The following GPR50 variants were observed in gnomAD, a reference collection of about 807,000 sequenced individuals.
GPR50 encodes melatonin-related receptor.
In GPR50, 1 loss-of-function variant was observed where a neutral mutation model predicts 2.6. That is an observed-to-expected ratio of 0.38 (90% CI 0.13 to 1.79). The LOEUF (loss-of-function observed/expected upper bound fraction) is 1.79, where lower values mean the gene tolerates loss of function less well. Ranked by LOEUF, GPR50 falls within the 40% of genes most tolerant of loss-of-function variation. The probability of loss-of-function intolerance (pLI) is 0.33; values close to 1 mark genes in which losing one functional copy is unlikely to be tolerated. For missense variants in GPR50, 535 were observed against 522.1 expected (o/e 1.02, Z -0.24); for synonymous variants, 233 against 202.3 (o/e 1.15, Z -1.29).
chrX:151,180,392 A>AGAT lies in GPR50; in HGVS notation c.810_812dup (p.Lys270_Ile271insMet). On this transcript the variant is annotated inframe_insertion, in exon 2 of 2. Transcript: ENST00000218316. ...GTCAGTCCGAAGGAGATGGCAGGCA[A>AGAT]GATCCCCAACTGGCTTTATCTTGCA... 1 of 1,211,393 alleles carries AGAT rather than the reference A, an allele frequency of 8.3e-7. No homozygotes were observed. The highest frequency in any genetic ancestry group is 1.1e-6 in the Non-Finnish European group (1 of 895,294).
Position 151,176,998 on chromosome X carries a change from T to A in GPR50, c.187+90T>A. The A allele has an allele frequency of 6.6e-6, 4 of 604,304 alleles. No individual in the cohort carries two copies. In the South Asian group the frequency reaches 1.1e-4, roughly 17 times the overall value. 49.8% of individuals were successfully genotyped at this position (604,304 alleles called of 1,213,427 possible). On this transcript the variant is annotated intron_variant, in intron 1 of 1. Transcript: ENST00000218316. Reference sequence around the variant, plus strand: ...TTGAGCTCCCCGAATAGAGAATCTATGGACAGTGCCCTCATATTGAACATC... The same window carrying A: ...TTGAGCTCCCCGAATAGAGAATCTAAGGACAGTGCCCTCATATTGAACATC...
At chrX:151,177,084 G>T (rs868704230) in intron 1 of GPR50, among the ~76,000 whole-genome samples, 176 bp downstream of exon 1, 2 of 112,316 alleles carry the variant, frequency 1.8e-5, no homozygotes, top group African/African-American at 6.5e-5. Context: ...CCCTCTAAAC[G>T]TGGAGGTTCT....
downstream of GPR50, among the ~76,000 whole-genome samples, chrX:151,181,666 G>C (rs140899599): frequency 3.5e-3 from 391 of 111,844 alleles, 3 homozygotes; most frequent in African/African-American, 0.012. Context: ...TTTCCCTCAA[G>C]TTTGACATCT....
intron 1 of GPR50, chrX:151,177,250 A>G (rs2048685132): frequency 6.3e-6 from 1 of 158,531 alleles, no homozygotes; most frequent in Non-Finnish European, 1.2e-5. Flanking sequence ...CGGGGACAGC[A>G]AGCCGAGCCG....
chrX:151,177,869 C>T (rs1176373910), intron 1 of GPR50: 1 of 109,789 alleles, frequency 9.1e-6, no homozygotes, highest in East Asian at 2.9e-4. Context: ...GGGAGGAGGC[C>T]GGGGGCCGGG....
In GPR50 at chrX:151,180,740, C is replaced by G. The variant is rs746436765; in HGVS notation, c.1157C>G (p.Pro386Arg). The change falls in exon 2 of 2, where the codon CCT (proline) becomes CGT (arginine). Residue 386 changes from proline to arginine, a missense_variant. Physicochemically the swap from Pro to Arg is moderately radical, Grantham distance 103 (BLOSUM62 -2). Coordinates refer to ENST00000218316, the MANE Select transcript of GPR50 (RefSeq NM_004224.3). ...CACCCCGACCGTGCCTCTGGCCACC[C>G]TAAGCCCCATTCCAGATCCTCCTCT... ...AGHPDRASGHPKPHSRSSSAY... is the reference protein window; with the variant it reads ...AGHPDRASGHRKPHSRSSSAY... The G allele has an allele frequency of 1.7e-6, 2 of 1,210,963 alleles. No individual in the cohort carries two copies. The highest frequency in any genetic ancestry group is 4.3e-5 in the Admixed American group (2 of 46,014).
chrX:151,177,289 A>G (rs5970552), intron 1 of GPR50: 1,638 of 132,526 alleles, frequency 0.012, 25 homozygotes, highest in African/African-American at 0.047. Context: ...GCGCTGAGGC[A>G]GCGCGGACCG....
At position 151,180,010 on chromosome X, in the gene GPR50, C is replaced by T. The variant is rs1329859807; in HGVS notation, c.427C>T (p.Arg143Cys). Residue 143 changes from arginine to cysteine, a missense_variant, in exon 2 of 2, where the codon CGC becomes TGC. Transcript: ENST00000218316. ...CCAGTACGAACGGATCTTCAGTGTG[C>T]GCAATACCTGCATCTACCTGGTCAT... ...SLQYERIFSV[R>C]NTCIYLVITW... 22 of 1,210,406 alleles carry T rather than the reference C, an allele frequency of 1.8e-5. No homozygotes were observed. Among genetic ancestry groups the T allele is most frequent in the South Asian group, 3.5e-5 (2 of 56,816 alleles).
chrX:151,180,559 A>T lies in GPR50; in HGVS notation c.976A>T (p.Ile326Phe). Residue 326 changes from isoleucine to phenylalanine, a missense_variant, in exon 2 of 2, where the codon ATT (isoleucine) becomes TTT (phenylalanine). Ile to Phe is a conservative substitution (Grantham distance 21, BLOSUM62 0). Transcript: ENST00000218316. ...IIFFSGLISD[I>F]REMQEARTLA... The stretch of plus-strand genomic sequence containing the variant: ...ATTCTTCTCTGGCCTCATCAGTGAT[A>T]TTCGTGAGATGCAGGAGGCCCGTAC... 1 of 1,210,869 alleles carries T rather than the reference A, an allele frequency of 8.3e-7. No homozygotes were observed. Among genetic ancestry groups the T allele is most frequent in the African/African-American group, 1.7e-5 (1 of 57,629 alleles).
At position 151,180,853 on chromosome X, in the gene GPR50, C is replaced by T. The variant is rs1222989275; in HGVS notation, c.1270C>T (p.His424Tyr). 1 of 1,210,752 alleles carries T rather than the reference C, an allele frequency of 8.3e-7. No homozygotes were observed. The highest frequency in any genetic ancestry group is 1.8e-5 in the South Asian group (1 of 56,921). Residue 424 changes from histidine (H) to tyrosine (Y), a missense_variant, in exon 2 of 2, where the codon CAC (histidine) becomes TAC (tyrosine). Transcript: ENST00000218316. Reference protein sequence around the residue: ...ASGHLKPVSGHSKPASGHPKS... With the variant: ...ASGHLKPVSGYSKPASGHPKS... ...TGGTCACCTCAAGCCTGTCTCTGGC[C>T]ACTCCAAGCCTGCCTCTGGTCACCC...
chrX:151,181,204 G>A lies in GPR50; in HGVS notation c.1621G>A (p.Ala541Thr). The change falls in exon 2 of 2, where the codon GCC (alanine) becomes ACC (threonine). Residue 541 changes from alanine to threonine, a missense_variant. Transcript: ENST00000218316. The part of the protein sequence containing the change: ...PTAADNPELS[A>T]SHCPEIPAIA... The stretch of plus-strand genomic sequence containing the variant: ...TGCTGCTGACAACCCTGAGCTCTCT[G>A]CCTCCCATTGCCCCGAGATCCCTGC... 3 of 1,210,176 alleles carry A rather than the reference G, an allele frequency of 2.5e-6. No individual in the cohort carries two copies. The highest frequency in any genetic ancestry group is 3.4e-6 in the Non-Finnish European group (3 of 894,568).
Position 151,181,218 on chromosome X carries a change from C to G in GPR50, c.1635C>G (p.Pro545=), listed in dbSNP as rs368335652. Residue 545 remains proline (P), a synonymous_variant, in exon 2 of 2, where the codon CCC becomes CCG. Transcript: ENST00000218316. ...DNPELSASHC[P]EIPAIAHPVS... is the part of the protein sequence containing the mutation. ...CTGAGCTCTCTGCCTCCCATTGCCC[C>G]GAGATCCCTGCCATTGCCCACCCTG... The G allele has an allele frequency of 8.3e-6, 10 of 1,210,636 alleles. No homozygotes were observed. The highest frequency in any genetic ancestry group is 2.2e-5 in the Admixed American group (1 of 46,023).
Position 151,180,199 on chromosome X carries a change from T to G in GPR50, c.616T>G (p.Phe206Val). ...CGTCCTCCCTCTCCTCATCGTGGGT[T>G]TCTGCTACGTGAGGATCTGGACCAA... The part of the protein sequence containing the change: ...HFVLPLLIVG[F>V]CYVRIWTKVL... The change falls in exon 2 of 2, where the codon TTC (phenylalanine) becomes GTC (valine). Residue 206 changes from phenylalanine (F) to valine (V), a missense_variant. Coordinates refer to ENST00000218316, the MANE Select transcript of GPR50 (RefSeq NM_004224.3). 3 of 1,205,797 alleles carry G rather than the reference T, an allele frequency of 2.5e-6. No homozygotes were observed. The highest frequency in any genetic ancestry group is 3.4e-6 in the Non-Finnish European group (3 of 895,042).
chrX:151,180,972 C>T lies in GPR50; in HGVS notation c.1389C>T (p.Asp463=), dbSNP rs749916036. The T allele has an allele frequency of 3.3e-6, 4 of 1,208,802 alleles. No individual in the cohort carries two copies. The East Asian group carries it at 8.9e-5, about 27-fold the overall frequency. ...GTGACTCTGTCCATTTCAAGCCTGA[C>T]TCTGTTCATTTCAAGCCTGCTTCCA... The part of the protein sequence containing the change: ...FKGDSVHFKP[D]SVHFKPASSN... The change falls in exon 2 of 2, where the codon GAC becomes GAT. Residue 463 remains aspartate (D), a synonymous_variant. Transcript: ENST00000218316.
chrX:151,177,041 C>G, intron 1 of GPR50, 133 bp downstream of exon 1: 1 of 478,069 alleles, frequency 2.1e-6, no homozygotes, highest in Non-Finnish European at 3.6e-6. Flanking sequence ...CCAAATTCCC[C>G]GCAAGCCTGG....
At chrX:151,182,069 AT>A (rs930415504), downstream of GPR50, among the ~76,000 whole-genome samples, 24 of 112,823 alleles carry the variant, frequency 2.1e-4, no homozygotes, top group South Asian at 7.2e-3. Flanking sequence ...TTAAAAATAC[AT>A]TTTTTATGCC....
rs776610833 is a variant in GPR50 at position 151,181,070 on chromosome X, C to G, written c.1487C>G (p.Thr496Ser). 3.4e-5 allele frequency: 41 copies of G among 1,193,137 alleles called. No individual in the cohort carries two copies. Among genetic ancestry groups the G allele is most frequent in the Non-Finnish European group, 4.3e-5 (38 of 888,693 alleles). ...SHSKSAFSAATSHPKPTTGHI... is the reference protein window; with the variant it reads ...SHSKSAFSAASSHPKPTTGHI... ...TCCAAGTCTGCCTTCAGTGCTGCCA[C>G]CAGCCACCCTAAACCCACCACTGGC... Residue 496 changes from threonine (T) to serine (S), a missense_variant, in exon 2 of 2, where the codon ACC becomes AGC. Transcript: ENST00000218316.
In GPR50 at chrX:151,180,789, C is replaced by T. The variant is rs2048708606; in HGVS notation, c.1206C>T (p.Thr402=). 8.3e-7 allele frequency: 1 copy of T among 1,211,153 alleles called. No individual in the cohort carries two copies. Among genetic ancestry groups the T allele is most frequent in the Non-Finnish European group, 1.1e-6 (1 of 895,242 alleles). ...SSSAYRKSAS[T]HHKSVFSHSK... ...CTGCCTATCGCAAATCTGCCTCTACCCACCACAAGTCTGTCTTTAGCCACT... is the reference window on the plus strand; with the variant it reads ...CTGCCTATCGCAAATCTGCCTCTACTCACCACAAGTCTGTCTTTAGCCACT... The change falls in exon 2 of 2, where the codon ACC becomes ACT. Residue 402 remains threonine, a synonymous_variant. Transcript: ENST00000218316.
intron 1 of GPR50, 70 bp downstream of exon 1, chrX:151,176,978 C>A: frequency 1.4e-6 from 1 of 728,383 alleles, no homozygotes; most frequent in Non-Finnish European, 2.1e-6. Flanking sequence ...AGTTTTTGAG[C>A]TCCCCGAATA....
Sources: allele counts gnomAD v4.1 joint callset (sites outside exome capture counted in the v4.1 genomes callset), GRCh38; gene constraint gnomAD v4.1.1; transcripts MANE v1.5; gene names NCBI Gene and HGNC (gene_info 2026-07-23, HGNC 2026-07-21).